The following MECOM variants were observed in gnomAD, a reference collection of about 807,000 sequenced individuals.
The protein encoded by MECOM is MDS1 and EVI1 complex locus.
Under a neutral mutation model 116.3 loss-of-function variants are expected in MECOM, and 13 were observed. The ratio of observed to expected loss-of-function variants is 0.11; its 90% CI spans 0.07 to 0.18. The LOEUF is 0.18. Among genes scored for constraint, MECOM ranks in the 10% least tolerant of loss-of-function variants. The pLI, the probability that MECOM is intolerant of heterozygous loss-of-function variation, is 1.00. For missense variants in MECOM, 1,299 were observed against 1,509.0 expected, an observed-to-expected ratio of 0.86 and a Z score of 2.31; for synonymous variants, 528 against 535.2, an observed-to-expected ratio of 0.99 and a Z score of 0.19.
chr3:169,356,927 C>A (rs545118493), intron 2 of MECOM, among the ~76,000 whole-genome samples: 20 of 151,856 alleles, frequency 1.3e-4, no homozygotes, highest in Admixed American at 6.6e-4. Flanking sequence ...TAATTCCCCA[C>A]GCTAAGGCAA....
chr3:169,437,327 A>G (rs1339592675), intron 1 of MECOM, among the ~76,000 whole-genome samples: 1 of 152,184 alleles, frequency 6.6e-6, no homozygotes, highest in African/African-American at 2.4e-5. Flanking sequence ...AAATCAATCT[A>G]TTAAATTGGG....
intron 12 of MECOM, 144 bp from the exon 13 acceptor site, chr3:169,095,389 A>C (rs1576866309): frequency 3.4e-6 from 2 of 590,902 alleles, no homozygotes; most frequent in East Asian, 5.9e-5. Flanking sequence ...TCACACAATT[A>C]AGATTTCAAT....
intron 2 of MECOM, among the ~76,000 whole-genome samples, chr3:169,148,700 T>G (rs1216036843): frequency 6.6e-6 from 1 of 152,180 alleles, no homozygotes; most frequent in African/African-American, 2.4e-5. Context: ...ATAACACAAG[T>G]GCCACCCACT....
chr3:169,295,751 G>C (rs1389567994), intron 2 of MECOM, among the ~76,000 whole-genome samples: 1 of 152,110 alleles, frequency 6.6e-6, no homozygotes, highest in Non-Finnish European at 1.5e-5. Flanking sequence ...TTGTACCAGG[G>C]ACATTGCCCG....
rs1477299623 is a variant in MECOM at position 169,340,291 on chromosome 3, G to T, written c.375+40896C>A. Among the ~76,000 whole-genome samples the T allele has an allele frequency of 3.9e-5, 6 of 152,200 alleles. No homozygotes were observed. In the South Asian group the frequency reaches 1.2e-3, roughly 32 times the overall value. ...ATAGGAGCCTTATCTACGGGTTGCC[G>T]CTACTGATCGATGGCATCACTCTAG... On this transcript the variant is annotated intron_variant, in intron 2 of 16. Transcript: ENST00000651503.
chr3:169,346,374 G>C (rs938191530), intron 2 of MECOM, among the ~76,000 whole-genome samples: 1 of 151,976 alleles, frequency 6.6e-6, no homozygotes. Context: ...CATTCTGCAG[G>C]TCTCTTTTTA....
At chr3:169,625,966 A>T (rs1771320538) in intron 1 of MECOM, among the ~76,000 whole-genome samples, 1 of 152,278 alleles carries the variant, frequency 6.6e-6, no homozygotes, top group Admixed American at 6.5e-5. Context: ...TTGAAAATAC[A>T]GCATAAGCTA....
In MECOM at chr3:169,155,364, A is replaced by G. The variant is rs144027381; in HGVS notation, c.376-11532T>C. 6.6e-3 allele frequency among the ~76,000 whole-genome samples: 1,007 copies of G among 152,218 alleles called. 10 individuals are homozygous for G. The highest frequency in any genetic ancestry group is 0.022 in the African/African-American group (895 of 41,524). ...TCTCTGGGCACAAATCCTGGACAGT[A>G]TCTTGGACTCCTCTCCTTCCCTTGT... is the stretch of plus-strand genomic sequence containing the variant. On this transcript the variant is annotated intron_variant, in intron 2 of 16. Transcript: ENST00000651503.
chr3:169,120,983 C>T (rs1255987363), intron 7 of MECOM, 73 bp downstream of exon 7: 1 of 1,487,294 alleles, frequency 6.7e-7, no homozygotes, highest in Non-Finnish European at 9.1e-7. Context: ...CATGTGCAGC[C>T]ACTCTCCTGG....
chr3:169,501,371 A>G (rs879384546), intron 1 of MECOM, among the ~76,000 whole-genome samples: 1 of 151,976 alleles, frequency 6.6e-6, no homozygotes, highest in African/African-American at 2.4e-5. Flanking sequence ...TTAAAGTGAA[A>G]AGCATTTTCT....
At chr3:169,162,481 G>T (rs1181473835) in intron 2 of MECOM, among the ~76,000 whole-genome samples, 1 of 152,156 alleles carries the variant, frequency 6.6e-6, no homozygotes, top group Non-Finnish European at 1.5e-5. Flanking sequence ...ATAAAGGATG[G>T]CATGGTAGGG....
chr3:169,657,159 T>C (rs1421571204), intron 1 of MECOM, among the ~76,000 whole-genome samples: 1 of 152,256 alleles, frequency 6.6e-6, no homozygotes, highest in Non-Finnish European at 1.5e-5. Flanking sequence ...CTGTCCCCTG[T>C]AGACCCAGTA....
chr3:169,432,093 T>G (rs1250974303), intron 1 of MECOM, among the ~76,000 whole-genome samples: 1 of 152,078 alleles, frequency 6.6e-6, no homozygotes. Context: ...AGTATGAATC[T>G]TGTTTAATTC....
At chr3:169,146,220 C>A in intron 2 of MECOM, 1 of 1,070,304 alleles carries the variant, frequency 9.3e-7, no homozygotes, top group Non-Finnish European at 1.1e-6. Context: ...AAAAAAAAAT[C>A]CCCACAATCT....
chr3:169,477,048 C>T (rs1278068982), intron 1 of MECOM: 1 of 137,640 alleles, frequency 7.3e-6, no homozygotes, highest in Non-Finnish European at 1.5e-5. Flanking sequence ...CTACATGCGA[C>T]ATAATATGTG....
In MECOM at chr3:169,112,795, G is replaced by T. The variant is rs1727860701; in HGVS notation, c.2569C>A (p.His857Asn). The stretch of plus-strand genomic sequence containing the variant: ...AAATCCAAAATACTTACTTGTGGGT[G>T]AAACAAGAATCCTGGAGAAGGCCTC... ...YLRPSPGFLFHPQFQLPDQRT... is the reference protein window; with the variant it reads ...YLRPSPGFLFNPQFQLPDQRT... The change falls in exon 9 of 17, where the codon CAC (histidine) becomes AAC (asparagine). Residue 857 changes from histidine (H) to asparagine (N), a missense_variant. This residue lies in a region of MECOM where 340 missense variants were observed against 312.6 expected (regional missense o/e 1.09). Coordinates refer to ENST00000651503, the MANE Select transcript of MECOM (RefSeq NM_004991.4). 6.2e-7 allele frequency: 1 copy of T among 1,612,070 alleles called. No homozygotes were observed.
chr3:169,617,691 G>T lies in MECOM; in HGVS notation c.37+45645C>A, dbSNP rs554899315. Among the ~76,000 whole-genome samples, 48 of 152,300 alleles carry T rather than the reference G, an allele frequency of 3.2e-4. No individual in the cohort carries two copies. The South Asian group carries it at 9.7e-3, about 31-fold the overall frequency. ...TCTTTGAGCAACTTTGGTCTATAAAGACTTGTCCCCTACCTCATATTGGCC... is the reference window on the plus strand; with the variant it reads ...TCTTTGAGCAACTTTGGTCTATAAATACTTGTCCCCTACCTCATATTGGCC... On this transcript the variant is annotated intron_variant, in intron 1 of 16. Transcript: ENST00000651503.
At chr3:169,398,375 TA>T (rs973210690) in intron 1 of MECOM, among the ~76,000 whole-genome samples, 1 of 152,170 alleles carries the variant, frequency 6.6e-6, no homozygotes, top group Non-Finnish European at 1.5e-5. Context: ...AAAACCTGGA[TA>T]AAGGGATTGA....
intron 1 of MECOM, among the ~76,000 whole-genome samples, chr3:169,519,975 C>G (rs1757160159): frequency 6.6e-6 from 1 of 152,256 alleles, no homozygotes. Context: ...ACCACAGCAA[C>G]TGGTTCAAGG....
Sources: allele counts gnomAD v4.1 joint callset (sites outside exome capture counted in the v4.1 genomes callset), GRCh38; gene constraint gnomAD v4.1.1; regional missense constraint gnomAD v4.1.1; transcripts MANE v1.5; gene names NCBI Gene and HGNC (gene_info 2026-07-23, HGNC 2026-07-21).